BNC2: variants seen among roughly 807,000 people sequenced by gnomAD.
BNC2 encodes the protein zinc finger protein basonuclin-2.
In BNC2, 20 loss-of-function variants were observed where a neutral mutation model predicts 76.3. The observed-to-expected ratio is 0.26, with a 90% CI of 0.18 to 0.38. BNC2 has a LOEUF of 0.38. Ranked by LOEUF, BNC2 falls within the 10% of genes least tolerant of loss-of-function variation. BNC2 has a pLI of 1.00. For synonymous variants in BNC2, 582 were observed against 514.8 expected, an observed-to-expected ratio of 1.13 and a Z score of -1.77; for missense variants, 1,382 against 1,399.8, an observed-to-expected ratio of 0.99 and a Z score of 0.20.
At chr9:16,840,719 A>C (rs1818804411) in intron 1 of BNC2, among the ~76,000 whole-genome samples, 1 of 152,228 alleles carries the variant, frequency 6.6e-6, no homozygotes, top group Non-Finnish European at 1.5e-5. Flanking sequence ...ACAGAAACCA[A>C]GTACAATGTT....
intron 3 of BNC2, among the ~76,000 whole-genome samples, chr9:16,666,763 C>T (rs1457263295): frequency 6.6e-6 from 1 of 152,202 alleles, no homozygotes; most frequent in Non-Finnish European, 1.5e-5. Context: ...CTAATCTATA[C>T]AAAGCCAGAT....
At chr9:16,634,502 CTT>C (rs544660364) in intron 3 of BNC2, among the ~76,000 whole-genome samples, 18 of 135,936 alleles carry the variant, frequency 1.3e-4, no homozygotes, top group East Asian at 2.2e-4. Flanking sequence ...CTTCAAATAT[CTT>C]TTTTTTTTTT....
intron 5 of BNC2, among the ~76,000 whole-genome samples, chr9:16,505,602 A>G (rs1822607563): frequency 6.6e-6 from 1 of 152,194 alleles, no homozygotes; most frequent in Non-Finnish European, 1.5e-5. Flanking sequence ...AGCTTGAAAC[A>G]CTAAAGCTGT....
At chr9:16,647,325 A>T (rs1821659862) in intron 3 of BNC2, among the ~76,000 whole-genome samples, 1 of 152,106 alleles carries the variant, frequency 6.6e-6, no homozygotes, top group African/African-American at 2.4e-5. Context: ...TGCACAGAGA[A>T]TTGGCGGAAT....
intron 5 of BNC2, among the ~76,000 whole-genome samples, chr9:16,537,208 T>G (rs1463264820): frequency 6.6e-6 from 1 of 152,178 alleles, no homozygotes; most frequent in African/African-American, 2.4e-5. Flanking sequence ...TTTAATTTTC[T>G]GAATGTCATT....
At position 16,437,053 on chromosome 9, in the gene BNC2, T is replaced by G. The variant is rs1187309419; in HGVS notation, c.1141A>C (p.Thr381Pro). 1.2e-6 allele frequency: 2 copies of G among 1,614,098 alleles called. No homozygotes were observed. The highest frequency in any genetic ancestry group is 4.5e-5 in the East Asian group (2 of 44,858). Residue 381 changes from threonine to proline, a missense_variant, in exon 6 of 7, where the codon ACA (threonine) becomes CCA (proline). Thr to Pro is a conservative substitution (Grantham distance 38, BLOSUM62 -1). This residue lies in a region of BNC2 where 557 missense variants were observed against 540.9 expected (regional missense o/e 1.03). Coordinates refer to ENST00000380672, the MANE Select transcript of BNC2 (RefSeq NM_017637.6). ...CTGGTCAGGGCATTTCTATTGGGTGTTTGATCATTCTTATAAGGTGTGGGA... is the reference window on the plus strand; with the variant it reads ...CTGGTCAGGGCATTTCTATTGGGTGGTTGATCATTCTTATAAGGTGTGGGA... Reference protein sequence around the residue: ...VSPTPYKNDQTPNRNALTSIT... With the variant: ...VSPTPYKNDQPPNRNALTSIT...
intron 1 of BNC2, among the ~76,000 whole-genome samples, chr9:16,844,944 C>G (rs186294196): frequency 6.6e-6 from 1 of 152,116 alleles, no homozygotes; most frequent in Non-Finnish European, 1.5e-5. Context: ...CAGGAGGCAG[C>G]CCCCCAGTTG....
At chr9:16,732,218 CA>C in intron 2 of BNC2, among the ~76,000 whole-genome samples, 1 of 148,176 alleles carries the variant, frequency 6.7e-6, no homozygotes, top group South Asian at 2.1e-4. Flanking sequence ...AAATCAGCCA[CA>C]ATGAATACAT....
intron 3 of BNC2, among the ~76,000 whole-genome samples, chr9:16,710,565 C>T (rs1047695243): frequency 1.3e-5 from 2 of 152,080 alleles, no homozygotes; most frequent in African/African-American, 4.8e-5. Context: ...AGTGTGTTTG[C>T]AGTGGGAATT....
chr9:16,749,692 C>A (rs1288313016), intron 1 of BNC2, among the ~76,000 whole-genome samples: 6 of 99,064 alleles, frequency 6.1e-5, no homozygotes, highest in African/African-American at 2.5e-4. Flanking sequence ...AGAGAGAGAT[C>A]CTGTGCTTTA....
At chr9:16,755,406 G>A (rs1825352920) in intron 1 of BNC2, among the ~76,000 whole-genome samples, 1 of 152,256 alleles carries the variant, frequency 6.6e-6, no homozygotes, top group South Asian at 2.1e-4. Context: ...AAGAGTAGGT[G>A]ATGTAAACTT....
chr9:16,729,689 T>TG (rs993868408), intron 2 of BNC2, among the ~76,000 whole-genome samples: 8 of 152,214 alleles, frequency 5.3e-5, no homozygotes, highest in South Asian at 2.1e-4. Context: ...ATATTCTTGC[T>TG]GGGGGGGAGG....
Position 16,474,881 on chromosome 9 carries a change from G to A in BNC2, c.670-37357C>T, listed in dbSNP as rs555733587. Among the ~76,000 whole-genome samples, 28 of 152,086 alleles carry A rather than the reference G, an allele frequency of 1.8e-4. No homozygotes were observed. The South Asian group carries it at 5.4e-3, about 29-fold the overall frequency. On this transcript the variant is annotated intron_variant, in intron 5 of 6. Transcript: ENST00000380672. ...ACACCACATGGTGGGCTCATCTTGG[G>A]AGCTCTCTATCAAAAGGTACTGAAA...
At chr9:16,671,674 G>T (rs186293308) in intron 3 of BNC2, among the ~76,000 whole-genome samples, 2 of 152,136 alleles carry the variant, frequency 1.3e-5, no homozygotes, top group Non-Finnish European at 2.9e-5. Flanking sequence ...TGAGAAGCAG[G>T]CTCTGGTTGG....
Position 16,456,106 on chromosome 9 carries a change from C to T in BNC2, c.670-18582G>A, listed in dbSNP as rs1821442737. 2.0e-5 allele frequency among the ~76,000 whole-genome samples: 3 copies of T among 152,210 alleles called. No individual in the cohort carries two copies. In the South Asian group the frequency reaches 6.2e-4, roughly 32 times the overall value. ...ATTAGAGGAAGAAAAGGTACTATTA[C>T]ATGACAACTACCTATCAAGGACTTA... On this transcript the variant is annotated intron_variant, in intron 5 of 6. Coordinates refer to ENST00000380672, the MANE Select transcript of BNC2 (RefSeq NM_017637.6).
chr9:16,858,567 A>G (rs1383281699), intron 1 of BNC2, among the ~76,000 whole-genome samples: 1 of 152,186 alleles, frequency 6.6e-6, no homozygotes. Context: ...ACTTCTGGCC[A>G]GGCGCGGTGG....
intron 3 of BNC2, among the ~76,000 whole-genome samples, chr9:16,608,145 C>T (rs565770599): frequency 6.6e-6 from 1 of 152,234 alleles, no homozygotes; most frequent in African/African-American, 2.4e-5. Flanking sequence ...CTCTACTTTC[C>T]ATGAGCAGAA....
intron 5 of BNC2, among the ~76,000 whole-genome samples, chr9:16,461,131 G>A (rs1821570260): frequency 6.6e-6 from 1 of 152,124 alleles, no homozygotes; most frequent in South Asian, 2.1e-4. Flanking sequence ...AACATGCAGG[G>A]ATAAGATTCT....
chr9:16,497,978 G>GGTGTGT (rs34523754), intron 5 of BNC2, among the ~76,000 whole-genome samples: 37,307 of 134,558 alleles, frequency 0.28, 6,303 homozygotes, highest in Middle Eastern at 0.41. Flanking sequence ...AAGAAACTGT[G>GGTGTGT]GTGTGTGTGT....
Sources: gnomAD v4.1 joint callset for allele counts (sites outside exome capture counted in the v4.1 genomes callset) on GRCh38, gnomAD v4.1.1 for gene constraint, gnomAD v4.1.1 regional missense constraint, MANE v1.5 for transcripts, NCBI Gene and HGNC (gene_info 2026-07-23, HGNC 2026-07-21) for gene names.